Variants in DRC1 observed in about 807,000 individuals in gnomAD.
DRC1 encodes the protein dynein regulatory complex protein 1.
In DRC1, 74 loss-of-function variants were observed where a neutral mutation model predicts 98.7. The observed-to-expected ratio is 0.75, with a 90% CI of 0.62 to 0.91. DRC1 has a LOEUF of 0.91. DRC1 is among the 40% of genes least tolerant of loss of function. DRC1 has a pLI of 0.00. For missense variants in DRC1, 875 were observed against 886.0 expected, an observed-to-expected ratio of 0.99 and a Z score of 0.16; for synonymous variants, 336 against 334.1, an observed-to-expected ratio of 1.01 and a Z score of -0.06.
chr2:26,406,927 C>T (rs924813426), intron 1 of DRC1, among the ~76,000 whole-genome samples: 13 of 151,284 alleles, frequency 8.6e-5, no homozygotes, highest in Non-Finnish European at 1.5e-5. Flanking sequence ...AAGTGATCCC[C>T]CCCACCCCAG....
intron 16 of DRC1, among the ~76,000 whole-genome samples, chr2:26,455,544 G>C (rs1011471341): frequency 1.3e-5 from 2 of 152,202 alleles, no homozygotes; most frequent in Non-Finnish European, 2.9e-5. Flanking sequence ...CCCAGCTACA[G>C]AGCCTCCAGC....
chr2:26,449,795 G>A (rs893176716), intron 11 of DRC1, among the ~76,000 whole-genome samples: 3 of 152,164 alleles, frequency 2.0e-5, no homozygotes, highest in Non-Finnish European at 1.5e-5. Flanking sequence ...GGCCTTGCTT[G>A]TCTCTGGCCT....
intron 1 of DRC1, 112 bp downstream of exon 1, chr2:26,402,256 A>C (rs1172743923): frequency 1.3e-5 from 18 of 1,419,482 alleles, no homozygotes; most frequent in Non-Finnish European, 1.6e-5. Flanking sequence ...AGTATGGGAA[A>C]GTAAAACGCT....
chr2:26,433,622 A>G (rs908944320), intron 7 of DRC1, among the ~76,000 whole-genome samples: 1 of 152,238 alleles, frequency 6.6e-6, no homozygotes, highest in African/African-American at 2.4e-5. Flanking sequence ...AGTGAGATAT[A>G]TGGAATTTCA....
chr2:26,424,189 G>A, intron 3 of DRC1, 82 bp from the exon 4 acceptor site: 1 of 1,534,186 alleles, frequency 6.5e-7, no homozygotes, highest in Non-Finnish European at 8.9e-7. Context: ...TTATATTCTA[G>A]AGATTCTAGA....
intron 1 of DRC1, among the ~76,000 whole-genome samples, chr2:26,409,154 A>T (rs1678517971): frequency 6.6e-6 from 1 of 150,630 alleles, no homozygotes; most frequent in Non-Finnish European, 1.5e-5. Context: ...CTAGTCTTAA[A>T]CTCCTGGGTC....
rs1413208825 is a variant in DRC1 at position 26,440,395 on chromosome 2, T to C, written c.906T>C (p.Leu302=). The change falls in exon 8 of 17, where the codon CTT becomes CTC. Residue 302 remains leucine (L), a synonymous_variant. Coordinates refer to ENST00000288710, the MANE Select transcript of DRC1 (RefSeq NM_145038.5). The part of the protein sequence containing the change: ...EQDVQILEQQ[L]QQRKAIYQLN... Reference sequence around the variant, plus strand: ...AACTTTAGATTCTTGAGCAGCAGCTTCAGCAGAGGAAAGCAATTTATCAGC... The same window carrying C: ...AACTTTAGATTCTTGAGCAGCAGCTCCAGCAGAGGAAAGCAATTTATCAGC... The C allele has an allele frequency of 1.2e-6, 2 of 1,610,068 alleles. No homozygotes were observed. Among genetic ancestry groups the C allele is most frequent in the Non-Finnish European group, 1.7e-6 (2 of 1,178,200 alleles).
intron 6 of DRC1, 85 bp downstream of exon 6, chr2:26,430,957 T>C (rs1663420372): frequency 7.0e-6 from 5 of 712,004 alleles, no homozygotes; most frequent in Non-Finnish European, 1.1e-5. Flanking sequence ...CCTTTTTCTA[T>C]CTTTTTTTTT....
Position 26,430,821 on chromosome 2 carries a change from CAGTAAT to C in DRC1, c.716_721del (p.Ser239_Asn240del), listed in dbSNP as rs776578082. ...AGGTGGAACGCCAAGAGCTACTGGC[CAGTAAT>C]AAGAAGAAATGGGAGCAAGCCCTTC... On this transcript the variant is annotated inframe_deletion, in exon 6 of 17. Transcript: ENST00000288710. The C allele has an allele frequency of 6.2e-7, 1 of 1,614,072 alleles. No homozygotes were observed. The highest frequency in any genetic ancestry group is 2.2e-5 in the East Asian group (1 of 44,880).
At chr2:26,422,423 C>T (rs997523420) in intron 3 of DRC1, among the ~76,000 whole-genome samples, 7 of 152,154 alleles carry the variant, frequency 4.6e-5, no homozygotes, top group South Asian at 2.1e-4. Context: ...CAAGAACCTG[C>T]GTCAAGTCCT....
At chr2:26,439,950 C>CACAT (rs60531809) in intron 7 of DRC1, among the ~76,000 whole-genome samples, 778 of 25,608 alleles carry the variant, frequency 0.03, 7 homozygotes, top group African/African-American at 0.083. Context: ...CACACACATA[C>CACAT]ACACACACAC....
chr2:26,424,319 T>A lies in DRC1; in HGVS notation c.405T>A (p.Asp135Glu). The A allele has an allele frequency of 6.2e-7, 1 of 1,613,802 alleles. No homozygotes were observed. The highest frequency in any genetic ancestry group is 1.1e-5 in the South Asian group (1 of 91,062). The change falls in exon 4 of 17, where the codon GAT (aspartate) becomes GAA (glutamate). Residue 135 changes from aspartate to glutamate, a missense_variant. Coordinates refer to ENST00000288710, the MANE Select transcript of DRC1 (RefSeq NM_145038.5). The part of the protein sequence containing the change: ...NEVKTSQDKF[D>E]EITSKWEEGK... ...TTAAGACCAGCCAGGACAAATTCGA[T>A]GAAATCACCTCAAAGTGGGAAGAGG...
intron 4 of DRC1, among the ~76,000 whole-genome samples, chr2:26,427,774 C>T (rs1008606082): frequency 1.3e-5 from 2 of 152,148 alleles, no homozygotes; most frequent in South Asian, 2.1e-4. Context: ...TCTATCTCCA[C>T]GAGTTCAATT....
intron 2 of DRC1, among the ~76,000 whole-genome samples, chr2:26,418,421 C>T (rs912017083): frequency 6.7e-6 from 1 of 148,444 alleles, no homozygotes; most frequent in Non-Finnish European, 1.5e-5. Context: ...ATCAGTAGAA[C>T]TCTGAGGTGT....
chr2:26,424,157 G>A (rs1663222960), intron 3 of DRC1, 114 bp from the exon 4 acceptor site: 2 of 1,248,992 alleles, frequency 1.6e-6, no homozygotes, highest in Non-Finnish European at 2.2e-6. Flanking sequence ...GGTGTGTTTG[G>A]GCAGTGCCTA....
In DRC1 at chr2:26,444,361, C is replaced by A; in HGVS notation, c.1163+5C>A. 1 of 1,613,284 alleles carries A rather than the reference C, an allele frequency of 6.2e-7. No homozygotes were observed. The highest frequency in any genetic ancestry group is 8.5e-7 in the Non-Finnish European group (1 of 1,179,852). On this transcript the variant is annotated splice_donor_5th_base_variant and intron_variant, in intron 9 of 16. Transcript: ENST00000288710. The stretch of plus-strand genomic sequence containing the variant: ...GGAGCTACAGAAAGCCATGAGGTAT[C>A]TTAAGGACTTGGTCCTAAGGCACTT...
chr2:26,431,983 A>T lies in DRC1; in HGVS notation c.865A>T (p.Ile289Phe). 6.2e-7 allele frequency: 1 copy of T among 1,614,176 alleles called. No homozygotes were observed. Among genetic ancestry groups the T allele is most frequent in the Non-Finnish European group, 8.5e-7 (1 of 1,180,004 alleles). Residue 289 changes from isoleucine (I) to phenylalanine (F), a missense_variant, in exon 7 of 17, where the codon ATC (isoleucine) becomes TTC (phenylalanine). Ile to Phe is a conservative substitution (Grantham distance 21). Transcript: ENST00000288710. Reference sequence around the variant, plus strand: ...TTGCGAAGAATACAACATGATCAAGATCAAGCTGGAGCAGGATGTGCAGGT... The same window carrying T: ...TTGCGAAGAATACAACATGATCAAGTTCAAGCTGGAGCAGGATGTGCAGGT... The part of the protein sequence containing the change: ...WDCEEYNMIK[I>F]KLEQDVQILE...
chr2:26,421,004 T>C (rs1663123439), intron 2 of DRC1: 2 of 196,664 alleles, frequency 1.0e-5, no homozygotes, highest in Admixed American at 1.2e-4. Context: ...CCTCAAATGC[T>C]CCACCCACCT....
chr2:26,429,812 G>A, intron 5 of DRC1, 47 bp downstream of exon 5: 2 of 1,605,380 alleles, frequency 1.2e-6, no homozygotes, highest in Non-Finnish European at 1.7e-6. Context: ...GAGGGCCCCT[G>A]GGAGGAGGTC....
Sources: allele counts gnomAD v4.1 joint callset (sites outside exome capture counted in the v4.1 genomes callset), GRCh38; gene constraint gnomAD v4.1.1; transcripts MANE v1.5; gene names NCBI Gene and HGNC (gene_info 2026-07-23, HGNC 2026-07-21).